SRBD1: variants seen among roughly 807,000 people sequenced by gnomAD.
The protein encoded by SRBD1 is S1 RNA binding domain 1.
Under a neutral mutation model 115.3 loss-of-function variants are expected in SRBD1, and 88 were observed. The ratio of observed to expected loss-of-function variants is 0.76; its 90% confidence interval spans 0.64 to 0.91. The LOEUF is 0.91. SRBD1 is among the 40% of genes least tolerant of loss of function. The pLI, the probability that SRBD1 is intolerant of heterozygous loss-of-function variation, is 0.00. For synonymous variants in SRBD1, 509 were observed against 407.7 expected (o/e 1.25, Z -2.99); for missense variants, 1,385 against 1,177.4 (o/e 1.18, Z -2.58).
In SRBD1 at chr2:45,582,620, C is replaced by T. The variant is rs1415301168; in HGVS notation, c.816-810G>A. On this transcript the variant is annotated intron_variant, in intron 5 of 20. Transcript: ENST00000263736. ...TTTTACTTAGTGCTACAATCCATTG[C>T]TATCATTTATCTTAATGTTCAAATT... Among the ~76,000 whole-genome samples, 3 of 152,130 alleles carry T rather than the reference C, an allele frequency of 2.0e-5. No homozygotes were observed. The East Asian group carries it at 5.8e-4, about 29-fold the overall frequency.
At chr2:45,604,106 C>T (rs1176353643) in intron 2 of SRBD1, among the ~76,000 whole-genome samples, 1 of 152,092 alleles carries the variant, frequency 6.6e-6, no homozygotes, top group Non-Finnish European at 1.5e-5. Context: ...ACTTTCACAT[C>T]TAGAATCCTA....
intron 19 of SRBD1, among the ~76,000 whole-genome samples, chr2:45,400,726 T>A (rs1418395552): frequency 2.6e-5 from 4 of 151,962 alleles, no homozygotes; most frequent in African/African-American, 9.7e-5. Context: ...TCTGTCCAGG[T>A]GCTAAGTATT....
intron 14 of SRBD1, among the ~76,000 whole-genome samples, chr2:45,545,296 A>AAAC (rs1672079184): frequency 6.9e-6 from 1 of 145,084 alleles, no homozygotes; most frequent in African/African-American, 2.6e-5. Flanking sequence ...AAAAAAAAAA[A>AAAC]AAAAAAAAAA....
intron 10 of SRBD1, among the ~76,000 whole-genome samples, chr2:45,557,538 T>C (rs1369781889): frequency 2.0e-5 from 3 of 152,230 alleles, no homozygotes; most frequent in East Asian, 3.9e-4. Flanking sequence ...TACTTGAGGA[T>C]GCCTCAATCA....
intron 14 of SRBD1, among the ~76,000 whole-genome samples, chr2:45,523,979 A>T (rs539643981): frequency 6.6e-6 from 1 of 152,200 alleles, no homozygotes; most frequent in Non-Finnish European, 1.5e-5. Context: ...TTTATCCCAA[A>T]AATGCAAGAC....
At chr2:45,551,052 C>T in intron 12 of SRBD1, 73 bp downstream of exon 12, 2 of 1,498,452 alleles carry the variant, frequency 1.3e-6, no homozygotes. Context: ...TTTCCAAATC[C>T]TCATGAAATG....
At chr2:45,458,014 TTC>T (rs1572662424) in intron 16 of SRBD1, among the ~76,000 whole-genome samples, 1 of 152,178 alleles carries the variant, frequency 6.6e-6, no homozygotes, top group East Asian at 1.9e-4. Context: ...TATTCACATA[TTC>T]TCTTTTAAAA....
intron 14 of SRBD1, among the ~76,000 whole-genome samples, chr2:45,532,314 C>G (rs1356112177): frequency 6.6e-6 from 1 of 151,816 alleles, no homozygotes; most frequent in Non-Finnish European, 1.5e-5. Context: ...CAGGGAATTC[C>G]TATCAACCAA....
rs565394180 is a variant in SRBD1, at chr2:45,410,773, A to T, written c.2513+2341T>A. On this transcript the variant is annotated intron_variant, in intron 19 of 20. Transcript: ENST00000263736. ...GCCAATGATTCAATCATGCCTATGTAATGAAACCTACTAAAAACCCAAAAG... is the reference window on the plus strand; with the variant it reads ...GCCAATGATTCAATCATGCCTATGTTATGAAACCTACTAAAAACCCAAAAG... Among the ~76,000 whole-genome samples the T allele has an allele frequency of 2.1e-4, 32 of 152,316 alleles. No individual in the cohort carries two copies. The South Asian group carries it at 6.6e-3, about 32-fold the overall frequency.
At chr2:45,411,848 C>G (rs1385281157) in intron 19 of SRBD1, among the ~76,000 whole-genome samples, 1 of 152,150 alleles carries the variant, frequency 6.6e-6, no homozygotes, top group East Asian at 1.9e-4. Flanking sequence ...CAGTGGCTCA[C>G]GCCTGTAATC....
At position 45,581,114 on chromosome 2, in the gene SRBD1, T is replaced by A. The variant is rs535620851; in HGVS notation, c.933+579A>T. Among the ~76,000 whole-genome samples the A allele has an allele frequency of 1.8e-4, 28 of 152,316 alleles. No individual in the cohort carries two copies. In the East Asian group the frequency reaches 5.0e-3, roughly 27 times the overall value. Reference sequence around the variant, plus strand: ...TAATTACCAAATATATATATTTTTTTCAGTCTTCATTCTGCCAAACTTCTC... The same window carrying A: ...TAATTACCAAATATATATATTTTTTACAGTCTTCATTCTGCCAAACTTCTC... On this transcript the variant is annotated intron_variant, in intron 6 of 20. Transcript: ENST00000263736.
chr2:45,438,797 T>G (rs892998702), intron 16 of SRBD1, among the ~76,000 whole-genome samples: 2 of 151,960 alleles, frequency 1.3e-5, no homozygotes, highest in Non-Finnish European at 2.9e-5. Flanking sequence ...AAAGAGAGAA[T>G]AGGGCAGATA....
At chr2:45,550,292 C>T (rs1027133843) in intron 12 of SRBD1, among the ~76,000 whole-genome samples, 7 of 151,948 alleles carry the variant, frequency 4.6e-5, no homozygotes, top group African/African-American at 1.7e-4. Context: ...GCTAGAAGCT[C>T]CACAAACCCT....
At chr2:45,476,153 T>A (rs977074737) in intron 16 of SRBD1, among the ~76,000 whole-genome samples, 4 of 152,194 alleles carry the variant, frequency 2.6e-5, no homozygotes, top group Non-Finnish European at 5.9e-5. Context: ...TGAATCTCAA[T>A]ATATGACAGG....
At chr2:45,608,490 C>G (rs1674342835) in intron 1 of SRBD1, among the ~76,000 whole-genome samples, 2 of 152,182 alleles carry the variant, frequency 1.3e-5, no homozygotes, top group Admixed American at 1.3e-4. Context: ...GCCTGTTTCT[C>G]CATCTCCACT....
At chr2:45,544,764 T>C (rs1425613406) in intron 14 of SRBD1, among the ~76,000 whole-genome samples, 1 of 152,184 alleles carries the variant, frequency 6.6e-6, no homozygotes, top group African/African-American at 2.4e-5. Context: ...ACATATAATT[T>C]ATATTTATAA....
In SRBD1 at chr2:45,499,427, A is replaced by G. The variant is rs542657439; in HGVS notation, c.1875-11096T>C. Among the ~76,000 whole-genome samples the G allele has an allele frequency of 7.9e-5, 12 of 152,202 alleles. No individual in the cohort carries two copies. In the South Asian group the frequency reaches 2.5e-3, roughly 32 times the overall value. On this transcript the variant is annotated intron_variant, in intron 14 of 20. Coordinates refer to ENST00000263736, the MANE Select transcript of SRBD1 (RefSeq NM_018079.5). ...AATCCCTTTGTGATAGTTTGCAAAT[A>G]ATTTCTCCCATTCAGTAGGTTGCTT...
At chr2:45,490,994 T>G (rs990734582) in intron 14 of SRBD1, among the ~76,000 whole-genome samples, 1 of 152,142 alleles carries the variant, frequency 6.6e-6, no homozygotes, top group South Asian at 2.1e-4. Context: ...CAGAAAAACC[T>G]CAACATTGAT....
At chr2:45,513,575 T>C (rs1300015185) in intron 14 of SRBD1, among the ~76,000 whole-genome samples, 1 of 152,138 alleles carries the variant, frequency 6.6e-6, no homozygotes, top group Non-Finnish European at 1.5e-5. Context: ...TAAAAACTAT[T>C]TGGCAGAGTT....
Sources: gnomAD v4.1 joint callset for allele counts (sites outside exome capture counted in the v4.1 genomes callset) on GRCh38, gnomAD v4.1.1 for gene constraint, MANE v1.5 for transcripts, NCBI Gene and HGNC (gene_info 2026-07-23, HGNC 2026-07-21) for gene names.